Variants in KIF17 observed in about 807,000 individuals in gnomAD.
KIF17 encodes kinesin family member 17, also known as kinesin-like protein KIF17.
A neutral mutation model predicts 96.8 loss-of-function variants in KIF17; 80 were observed. That is an observed-to-expected ratio of 0.83 (90% CI 0.69 to 1.00). KIF17 has a LOEUF of 1.00. Ranked by LOEUF, KIF17 falls within the 50% of genes least tolerant of loss-of-function variation. KIF17 has a pLI of 0.00. For synonymous variants in KIF17, 567 were observed against 587.5 expected (o/e 0.97, Z 0.51); for missense variants, 1,280 against 1,372.9 (o/e 0.93, Z 1.07).
chr1:20,694,659 C>A (rs577531089), intron 6 of KIF17, among the ~76,000 whole-genome samples: 1 of 152,292 alleles, frequency 6.6e-6, no homozygotes, highest in Non-Finnish European at 1.5e-5. Context: ...GATTTAGGCT[C>A]CTAGGGAGGG....
Position 20,717,860 on chromosome 1 carries a change from G to C in KIF17, c.-154C>G. The C allele has an allele frequency of 1.9e-5, 8 of 423,058 alleles. No homozygotes were observed. The Admixed American group carries it at 1.3e-3, about 69-fold the overall frequency. 26.2% of individuals were successfully genotyped at this position (423,058 alleles called of 1,614,324 possible). ...GCGGCGGGGGGCGGGGACCCCTCGG[G>C]GGGCGCCCCGGAGGGGAGCTGGGCG... On this transcript the variant is annotated 5_prime_UTR_variant, in exon 1 of 15. Coordinates refer to ENST00000400463, the MANE Select transcript of KIF17 (RefSeq NM_001122819.3).
chr1:20,688,031 G>T, intron 7 of KIF17, 87 bp from the exon 8 acceptor site: 22 of 1,076,440 alleles, frequency 2.0e-5, no homozygotes, highest in Non-Finnish European at 2.2e-5. Flanking sequence ...CCAGTGTGTT[G>T]TTTTTTTTGT....
intron 3 of KIF17, among the ~76,000 whole-genome samples, 182 bp downstream of exon 3, chr1:20,713,272 G>A (rs1447751525): frequency 2.0e-5 from 3 of 150,212 alleles, no homozygotes; most frequent in African/African-American, 4.9e-5. Flanking sequence ...TTAGGATTAC[G>A]GGCAAGAGCC....
chr1:20,701,919 A>G (rs1370522794), intron 5 of KIF17, among the ~76,000 whole-genome samples: 1 of 152,146 alleles, frequency 6.6e-6, no homozygotes, highest in Admixed American at 6.5e-5. Context: ...GAAAGGGAAA[A>G]AGAGGGATAT....
Position 20,682,833 on chromosome 1 carries a change from C to T in KIF17, c.2283G>A (p.Lys761=), listed in dbSNP as rs773946520. 3.7e-6 allele frequency: 6 copies of T among 1,612,504 alleles called. No homozygotes were observed. In the East Asian group the frequency reaches 1.3e-4, roughly 36 times the overall value. ...GCCGCTTGTGCTTCTCCTTCAGGTCCTTGTTCTTGGCCTGCTCTCCACCCA... is the reference window on the plus strand; with the variant it reads ...GCCGCTTGTGCTTCTCCTTCAGGTCTTTGTTCTTGGCCTGCTCTCCACCCA... ...QVVGGEQAKN[K]DLKEKHKRRK... The change falls in exon 11 of 15, where the codon AAG becomes AAA. Residue 761 remains lysine, a synonymous_variant. Coordinates refer to ENST00000400463, the MANE Select transcript of KIF17 (RefSeq NM_001122819.3).
intron 4 of KIF17, among the ~76,000 whole-genome samples, chr1:20,705,353 C>T (rs1433308785): frequency 1.3e-5 from 2 of 152,130 alleles, no homozygotes; most frequent in African/African-American, 2.4e-5. Context: ...CCAACCCAGT[C>T]GTGTCTTCTC....
chr1:20,697,960 G>A (rs1167585161), intron 6 of KIF17, among the ~76,000 whole-genome samples: 1 of 152,156 alleles, frequency 6.6e-6, no homozygotes, highest in African/African-American at 2.4e-5. Context: ...CAGACTTGTC[G>A]TCGGCTGCTG....
At chr1:20,681,181 G>GGTTTTGTTTT (rs113159025) in intron 11 of KIF17, among the ~76,000 whole-genome samples, 129 of 140,986 alleles carry the variant, frequency 9.1e-4, no homozygotes, top group East Asian at 6.9e-3. Flanking sequence ...GAGGCAAAAA[G>GGTTTTGTTTT]GTTTTGTTTT....
Position 20,704,689 on chromosome 1 carries a change from C to G in KIF17, c.881G>C (p.Arg294Pro). 6.2e-7 allele frequency: 1 copy of G among 1,614,122 alleles called. No individual in the cohort carries two copies. Among genetic ancestry groups the G allele is most frequent in the South Asian group, 1.1e-5 (1 of 91,070 alleles). The change falls in exon 5 of 15, where the codon CGG becomes CCG. Residue 294 changes from arginine to proline, a missense_variant. Arg to Pro is a moderately radical substitution (Grantham distance 103, BLOSUM62 -2). Coordinates refer to ENST00000400463, the MANE Select transcript of KIF17 (RefSeq NM_001122819.3). This position sits in a 1 kb window ranked among gnomAD's most constrained non-coding sequence, Gnocchi z 6.8. ...GCCGCCCAGTGAGTCCTGCAGCAGC[C>G]GCGTCAGCTTCGAGTCACGGTAGGG... ...HVPYRDSKLT[R>P]LLQDSLGGNT...
chr1:20,717,735 G>A lies in KIF17; in HGVS notation c.-29C>T. 1.3e-6 allele frequency: 2 copies of A among 1,529,124 alleles called. No individual in the cohort carries two copies. Among genetic ancestry groups the A allele is most frequent in the South Asian group, 1.2e-5 (1 of 83,874 alleles). The allele number at this position is 1,529,124 out of a possible 1,614,324, so 94.7% of individuals were successfully genotyped here. A position where few individuals can be genotyped will look rare whatever the true frequency, so the allele number is the denominator to read the frequency against. On this transcript the variant is annotated 5_prime_UTR_variant, in exon 1 of 15. Coordinates refer to ENST00000400463, the MANE Select transcript of KIF17 (RefSeq NM_001122819.3). ...GCCGCGCCCAGGACCAACGGGACCA[G>A]AGCTGACCCCCGCCCCGCCGGGGAC...
At position 20,704,376 on chromosome 1, in the gene KIF17, G is replaced by T; in HGVS notation, c.1123+71C>A. On this transcript the variant is annotated intron_variant, in intron 5 of 14. Transcript: ENST00000400463. This position sits in a 1 kb window ranked among gnomAD's most constrained non-coding sequence, Gnocchi z 6.8. ...GTCTTTTAGGTGGGAAGTTGGAGGC[G>T]AGAAGACAGAGGGAAGGAAGCTTTC... 2 of 1,281,066 alleles carry T rather than the reference G, an allele frequency of 1.6e-6. No individual in the cohort carries two copies. Among genetic ancestry groups the T allele is most frequent in the African/African-American group, 1.5e-5 (1 of 67,802 alleles). The allele number at this position is 1,281,066 out of a possible 1,614,324, so 79.4% of individuals were successfully genotyped here. A position where few individuals can be genotyped will look rare whatever the true frequency, so the allele number is the denominator to read the frequency against.
chr1:20,717,366 C>T, intron 1 of KIF17, 110 bp downstream of exon 1: 2 of 1,235,704 alleles, frequency 1.6e-6, no homozygotes, highest in Non-Finnish European at 1.1e-6. Flanking sequence ...CGTCCGCCTG[C>T]GCCCCTCGAG....
intron 3 of KIF17, among the ~76,000 whole-genome samples, chr1:20,711,089 C>T (rs1451278025): frequency 2.0e-5 from 3 of 151,236 alleles, no homozygotes; most frequent in Non-Finnish European, 4.4e-5. Flanking sequence ...GGTTAATATG[C>T]CTCTCTAAGC....
Position 20,687,681 on chromosome 1 carries a change from CAG to C in KIF17, c.1643_1644del (p.Ser548CysfsTer9). 7 of 1,614,220 alleles carry C rather than the reference CAG, an allele frequency of 4.3e-6. No homozygotes were observed. Among genetic ancestry groups the C allele is most frequent in the Non-Finnish European group, 5.9e-6 (7 of 1,180,050 alleles). On this transcript the variant is annotated frameshift_variant, in exon 8 of 15. Coordinates refer to ENST00000400463, the MANE Select transcript of KIF17 (RefSeq NM_001122819.3). LOFTEE classifies it high-confidence loss of function. This position sits in a 1 kb window ranked among gnomAD's most constrained non-coding sequence, Gnocchi z 4.4. ...TCAGGCCCAGGGAAAGCCTCGGACACAGAGGTTTCTTCGAGCGAGGATGACTC... is the reference window on the plus strand; with the variant it reads ...TCAGGCCCAGGGAAAGCCTCGGACACAGGTTTCTTCGAGCGAGGATGACTC... ...SSESSSLEET[S>X]VSEAFPGPEE...
At position 20,699,411 on chromosome 1, in the gene KIF17, CA is replaced by C. The variant is rs534842872; in HGVS notation, c.1124-924del. ...AAACCCCGTCTCTACCAAAAAAATA[CA>C]AAAATTAGCTAGGCATGGTGGCGGG... On this transcript the variant is annotated intron_variant, in intron 5 of 14. Transcript: ENST00000400463. This position sits in a 1 kb window ranked among gnomAD's most constrained non-coding sequence, Gnocchi z 4.3. Among the ~76,000 whole-genome samples, 83 of 152,134 alleles carry C rather than the reference CA, an allele frequency of 5.5e-4. No homozygotes were observed. The highest frequency in any genetic ancestry group is 2.0e-3 in the African/African-American group (81 of 41,488).
chr1:20,704,768 A>T lies in KIF17; in HGVS notation c.802T>A (p.Ser268Thr), dbSNP rs2054312285. The T allele has an allele frequency of 6.2e-7, 1 of 1,611,864 alleles. No individual in the cohort carries two copies. The highest frequency in any genetic ancestry group is 1.3e-5 in the African/African-American group (1 of 74,998). ...KEATKINLSL[S>T]ALGNVISALV... The stretch of plus-strand genomic sequence containing the variant: ...GCCGAGATGACATTGCCCAGTGCCG[A>T]GAGCGACAGGTTGATCTTGGTGGCC... The change falls in exon 5 of 15, where the codon TCG (serine) becomes ACG (threonine). Residue 268 changes from serine to threonine, a missense_variant. Physicochemically the swap from Ser to Thr is moderately conservative, Grantham distance 58. Coordinates refer to ENST00000400463, the MANE Select transcript of KIF17 (RefSeq NM_001122819.3). The surrounding 1 kb of genome is among the most constrained non-coding windows in gnomAD (Gnocchi z 6.8).
At position 20,672,293 on chromosome 1, in the gene KIF17, C is replaced by T. The variant is rs1391603347; in HGVS notation, c.2464-97G>A. ...CACTGTCCTGCCAGCAGCCACGCAT[C>T]GTCTGTTCATTGGCCTGATCAGCCA... On this transcript the variant is annotated intron_variant, in intron 11 of 14. Coordinates refer to ENST00000400463, the MANE Select transcript of KIF17 (RefSeq NM_001122819.3). The surrounding 1 kb of genome is among the most constrained non-coding windows in gnomAD (Gnocchi z 4.3). The T allele has an allele frequency of 1.8e-5, 27 of 1,492,636 alleles. No individual in the cohort carries two copies. The highest frequency in any genetic ancestry group is 3.7e-5 in the Admixed American group (2 of 53,380). 92.5% of individuals were successfully genotyped at this position (1,492,636 alleles called of 1,614,324 possible). A position where few individuals can be genotyped will look rare whatever the true frequency, so the allele number is the denominator to read the frequency against.
chr1:20,668,134 C>A (rs2053561196), intron 13 of KIF17, among the ~76,000 whole-genome samples: 1 of 151,950 alleles, frequency 6.6e-6, no homozygotes, highest in Non-Finnish European at 1.5e-5. Flanking sequence ...CATGGTGAAA[C>A]CCCGTCTCTA....
intron 3 of KIF17, among the ~76,000 whole-genome samples, chr1:20,711,170 G>A (rs1038781239): frequency 3.3e-5 from 5 of 152,196 alleles, no homozygotes; most frequent in Non-Finnish European, 7.3e-5. Flanking sequence ...GGATTAGGAA[G>A]AGAACAGATC....
Sources: allele counts gnomAD v4.1 joint callset (sites outside exome capture counted in the v4.1 genomes callset), GRCh38; gene constraint gnomAD v4.1.1; non-coding constraint Gnocchi (gnomAD v3.1); transcripts MANE v1.5; gene names NCBI Gene and HGNC (gene_info 2026-07-23, HGNC 2026-07-21).